CDH23: variants seen among roughly 807,000 people sequenced by gnomAD.
CDH23 encodes cadherin related 23.
In CDH23, 189 loss-of-function variants were observed where a neutral mutation model predicts 317.1. That is an observed-to-expected ratio of 0.60 (90% CI 0.53 to 0.67). CDH23 has a LOEUF of 0.67. Among genes scored for constraint, CDH23 ranks in the 30% least tolerant of loss-of-function variants. The probability of loss-of-function intolerance (pLI) is 0.00; values close to 1 mark genes in which losing one functional copy is unlikely to be tolerated. For synonymous variants in CDH23, 1,839 were observed against 1,876.8 expected, an observed-to-expected ratio of 0.98 and a Z score of 0.52; for missense variants, 4,401 against 4,592.4, an observed-to-expected ratio of 0.96 and a Z score of 1.20.
At chr10:71,796,165 C>A (rs1419387312) in intron 48 of CDH23, 22 of 887,026 alleles carry the variant, frequency 2.5e-5, no homozygotes, top group South Asian at 5.2e-5. Context: ...ATCTCAGATA[C>A]CCCTGTACCT....
intron 14 of CDH23, among the ~76,000 whole-genome samples, chr10:71,674,300 T>C (rs1403358225): frequency 6.6e-6 from 1 of 152,220 alleles, no homozygotes; most frequent in Non-Finnish European, 1.5e-5. Flanking sequence ...CTAGATTTAA[T>C]AGACTCCAGG....
chr10:71,770,553 C>G (rs570039582), intron 38 of CDH23, among the ~76,000 whole-genome samples: 4 of 152,352 alleles, frequency 2.6e-5, no homozygotes, highest in Admixed American at 2.6e-4. Context: ...GGCCCACCCT[C>G]CCCTGGGAGA....
intron 3 of CDH23, among the ~76,000 whole-genome samples, chr10:71,492,380 C>G (rs1852711743): frequency 6.6e-6 from 1 of 152,072 alleles, no homozygotes; most frequent in Non-Finnish European, 1.5e-5. Context: ...AGGAGTTTTC[C>G]CTCTGCCTAG....
chr10:71,764,261 A>T (rs755493512), intron 38 of CDH23, among the ~76,000 whole-genome samples: 1 of 152,208 alleles, frequency 6.6e-6, no homozygotes, highest in Non-Finnish European at 1.5e-5. Context: ...GGCATATCTA[A>T]CAATGCCATA....
intron 3 of CDH23, among the ~76,000 whole-genome samples, chr10:71,482,540 G>A (rs1852124321): frequency 6.6e-6 from 1 of 152,230 alleles, no homozygotes; most frequent in South Asian, 2.1e-4. Context: ...AGGCCCCATA[G>A]GAATGGGAGA....
At chr10:71,669,932 C>A (rs191220567) in intron 14 of CDH23, among the ~76,000 whole-genome samples, 2 of 152,058 alleles carry the variant, frequency 1.3e-5, no homozygotes, top group Non-Finnish European at 2.9e-5. Context: ...ACCCGGGAGG[C>A]GGAGGTTGCA....
chr10:71,570,710 CTGTGTG>C lies in CDH23; in HGVS notation c.625-72_625-67del, dbSNP rs146681389. ...CACTTATGTGCTGCACGGTGCAGGT[CTGTGTG>C]TGTGTGTACATATGTGTGTGAGTGT... On this transcript the variant is annotated intron_variant, in intron 7 of 69. Transcript: ENST00000224721. 6 of 1,451,074 alleles carry C rather than the reference CTGTGTG, an allele frequency of 4.1e-6. No individual in the cohort carries two copies. The Admixed American group carries it at 1.2e-4, about 29-fold the overall frequency. The allele number at this position is 1,451,074 out of a possible 1,614,324, so 89.9% of individuals were successfully genotyped here.
chr10:71,638,864 C>T (rs1204978774), intron 11 of CDH23, among the ~76,000 whole-genome samples: 1 of 152,166 alleles, frequency 6.6e-6, no homozygotes, highest in African/African-American at 2.4e-5. Flanking sequence ...AAGCTACCCC[C>T]CACTTCCAGG....
intron 6 of CDH23, among the ~76,000 whole-genome samples, chr10:71,531,245 G>A (rs929820280): frequency 3.9e-5 from 6 of 152,124 alleles, no homozygotes; most frequent in African/African-American, 1.4e-4. Flanking sequence ...GAGCAAAGAG[G>A]CCTCAGAGCT....
intron 6 of CDH23, among the ~76,000 whole-genome samples, chr10:71,539,274 C>T (rs1486254222): frequency 2.0e-5 from 3 of 152,174 alleles, no homozygotes; most frequent in Non-Finnish European, 2.9e-5. Flanking sequence ...CAGCCTAGGA[C>T]CCTCATGCCT....
At chr10:71,489,208 A>G (rs1365963819) in intron 3 of CDH23, among the ~76,000 whole-genome samples, 1 of 152,202 alleles carries the variant, frequency 6.6e-6, no homozygotes. Context: ...TCTCAGTTAA[A>G]TGTAAGTTAG....
chr10:71,780,293 G>A (rs1409528164), intron 41 of CDH23, among the ~76,000 whole-genome samples: 5 of 152,322 alleles, frequency 3.3e-5, no homozygotes, highest in African/African-American at 1.2e-4. Flanking sequence ...GAGGACACGG[G>A]CAATGAACCA....
At chr10:71,431,900 G>A (rs1370668029) in intron 1 of CDH23, among the ~76,000 whole-genome samples, 2 of 152,234 alleles carry the variant, frequency 1.3e-5, no homozygotes, top group Admixed American at 1.3e-4. Context: ...CGGGAGTTAG[G>A]CCCAGAACTG....
intron 3 of CDH23, among the ~76,000 whole-genome samples, chr10:71,470,616 AGTAG>A (rs1851462699): frequency 6.6e-6 from 1 of 151,826 alleles, no homozygotes; most frequent in African/African-American, 2.4e-5. Flanking sequence ...CAGCCTCCTG[AGTAG>A]CTGGGACTAC....
chr10:71,742,027 A>T, intron 38 of CDH23, 106 bp downstream of exon 38: 1 of 927,516 alleles, frequency 1.1e-6, no homozygotes, highest in Non-Finnish European at 1.6e-6. Context: ...ACAGCAGGCG[A>T]ATCCTTGACA....
chr10:71,808,008 G>A lies in CDH23; in HGVS notation c.8722+1G>A. The A allele has an allele frequency of 1.3e-6, 2 of 1,579,924 alleles. No homozygotes were observed. Among genetic ancestry groups the A allele is most frequent in the Non-Finnish European group, 1.7e-6 (2 of 1,162,400 alleles). On this transcript the variant is annotated splice_donor_variant, in intron 60 of 69. Transcript: ENST00000224721. LOFTEE classifies it high-confidence loss of function. Reference sequence around the variant, plus strand: ...GATGTGGGCCAGGTCTTCACCATGGGTAGGGCCTGGCAGCACATGAGTGGC... The same window carrying A: ...GATGTGGGCCAGGTCTTCACCATGGATAGGGCCTGGCAGCACATGAGTGGC...
intron 38 of CDH23, among the ~76,000 whole-genome samples, chr10:71,759,775 G>A (rs542638434): frequency 1.3e-5 from 2 of 150,764 alleles, no homozygotes; most frequent in African/African-American, 4.9e-5. Context: ...TCGCGCCACT[G>A]CACTCCAGCC....
chr10:71,512,641 C>G (rs1459349678), intron 6 of CDH23, among the ~76,000 whole-genome samples: 1 of 152,220 alleles, frequency 6.6e-6, no homozygotes, highest in Non-Finnish European at 1.5e-5. Flanking sequence ...GGGAGCCGCA[C>G]TGGCAAGGAG....
At position 71,680,635 on chromosome 10, in the gene CDH23, A is replaced by C. The variant is rs568690210; in HGVS notation, c.1858+1143A>C. Among the ~76,000 whole-genome samples, 10 of 150,392 alleles carry C rather than the reference A, an allele frequency of 6.6e-5. No homozygotes were observed. In the East Asian group the frequency reaches 2.0e-3, roughly 31 times the overall value. ...TGGTGGTGTGCACCTGTAATCCCAGATACTCGGAAGGCTGAGGCAGGAGAA... is the reference window on the plus strand; with the variant it reads ...TGGTGGTGTGCACCTGTAATCCCAGCTACTCGGAAGGCTGAGGCAGGAGAA... On this transcript the variant is annotated intron_variant, in intron 17 of 69. Coordinates refer to ENST00000224721, the MANE Select transcript of CDH23 (RefSeq NM_022124.6).
Sources: allele counts gnomAD v4.1 joint callset (sites outside exome capture counted in the v4.1 genomes callset), GRCh38; gene constraint gnomAD v4.1.1; transcripts MANE v1.5; gene names NCBI Gene and HGNC (gene_info 2026-07-23, HGNC 2026-07-21).